The following HEXA variants were observed in gnomAD, a reference collection of about 807,000 sequenced individuals.
HEXA encodes hexosaminidase subunit alpha.
Under a neutral mutation model 73.3 loss-of-function variants are expected in HEXA, and 54 were observed. The ratio of observed to expected loss-of-function variants is 0.74; its 90% CI spans 0.59 to 0.92. The LOEUF (loss-of-function observed/expected upper bound fraction) is 0.92, where lower values mean the gene tolerates loss of function less well. HEXA is among the 40% of genes least tolerant of loss of function. The pLI is 0.00. For missense variants in HEXA, 649 were observed against 653.0 expected, an observed-to-expected ratio of 0.99 and a Z score of 0.07; for synonymous variants, 230 against 246.9, an observed-to-expected ratio of 0.93 and a Z score of 0.64.
intron 1 of HEXA, among the ~76,000 whole-genome samples, chr15:72,364,818 A>AT (rs762688276): frequency 0.022 from 2,935 of 133,106 alleles, 82 homozygotes; most frequent in African/African-American, 0.06. Flanking sequence ...TTTTAATTTA[A>AT]TTTTTTTTTT....
intron 1 of HEXA, chr15:72,356,997 T>A (rs1025831443): frequency 5.7e-6 from 2 of 352,224 alleles, no homozygotes; most frequent in Admixed American, 7.6e-5. Context: ...AGCTGCCAAT[T>A]TGCAAACTGT....
chr15:72,372,626 C>T (rs1355362872), intron 1 of HEXA, among the ~76,000 whole-genome samples: 1 of 152,196 alleles, frequency 6.6e-6, no homozygotes, highest in Non-Finnish European at 1.5e-5. Context: ...ATGCAACACA[C>T]ACCCTCCAAT....
intron 1 of HEXA, among the ~76,000 whole-genome samples, chr15:72,363,696 T>C (rs2088881208): frequency 6.6e-6 from 1 of 152,216 alleles, no homozygotes; most frequent in Non-Finnish European, 1.5e-5. Context: ...AGCCCACAGA[T>C]GAATCCTGAA....
chr15:72,373,311 C>T (rs1306097176), intron 1 of HEXA, among the ~76,000 whole-genome samples: 3 of 152,212 alleles, frequency 2.0e-5, no homozygotes, highest in Non-Finnish European at 1.5e-5. Flanking sequence ...TATTGCTCTA[C>T]CTCTATTTGT....
intron 9 of HEXA, 71 bp downstream of exon 9, chr15:72,347,977 C>A (rs1013328693): frequency 1.1e-5 from 12 of 1,129,734 alleles, no homozygotes; most frequent in Non-Finnish European, 1.6e-5. Context: ...CAGGGCCTGA[C>A]TCGGTATGGA....
At chr15:72,357,768 G>A (rs1403967918) in intron 1 of HEXA, 1 of 152,154 alleles carries the variant, frequency 6.6e-6, no homozygotes, top group Admixed American at 6.5e-5. Context: ...TCTCACGGAA[G>A]CCTGCTCAGA....
intron 5 of HEXA, among the ~76,000 whole-genome samples, 161 bp downstream of exon 5, chr15:72,352,907 G>A (rs577542838): frequency 2.6e-5 from 4 of 152,188 alleles, no homozygotes; most frequent in South Asian, 2.1e-4. Flanking sequence ...CAGGTGATCC[G>A]CCCACCTCGG....
At chr15:72,369,954 G>A (rs1483445337) in intron 1 of HEXA, 2 of 152,110 alleles carry the variant, frequency 1.3e-5, no homozygotes, top group Non-Finnish European at 2.9e-5. Flanking sequence ...AGGCATCTCT[G>A]GGGCTTGGAC....
chr15:72,347,850 A>G, intron 9 of HEXA, 92 bp from the exon 10 acceptor site: 1 of 1,253,014 alleles, frequency 8.0e-7, no homozygotes, highest in Non-Finnish European at 1.2e-6. Context: ...GAGCCTGGCC[A>G]GGGGCCTATT....
Position 72,355,857 on chromosome 15 carries a change from G to T in HEXA, c.347-233C>A, listed in dbSNP as rs534588760. 5.4e-5 allele frequency: 32 copies of T among 592,082 alleles called. No homozygotes were observed. The East Asian group carries it at 1.1e-3, about 20-fold the overall frequency. The allele number at this position is 592,082 out of a possible 1,614,324, so 36.7% of individuals were successfully genotyped here. ...AGTGACTCTGTAGACCCTGGATGAT[G>T]ATGTACAGCAAGAGTCAGGCTGGAG... On this transcript the variant is annotated intron_variant, in intron 2 of 13. Transcript: ENST00000268097.
chr15:72,346,410 C>G, intron 11 of HEXA, 85 bp from the exon 12 acceptor site: 1 of 1,485,330 alleles, frequency 6.7e-7, no homozygotes, highest in African/African-American at 1.4e-5. Flanking sequence ...GTGGCCCTCA[C>G]CCCAGCTAAG....
At chr15:72,371,497 G>A (rs572063188) in intron 1 of HEXA, among the ~76,000 whole-genome samples, 3 of 151,136 alleles carry the variant, frequency 2.0e-5, no homozygotes, top group Non-Finnish European at 4.4e-5. Flanking sequence ...GAGATGGGAG[G>A]ACAGCTTGAG....
At chr15:72,346,377 T>A (rs769826313) in intron 11 of HEXA, 52 bp from the exon 12 acceptor site, 3 of 1,545,100 alleles carry the variant, frequency 1.9e-6, no homozygotes, top group Non-Finnish European at 2.7e-6. Flanking sequence ...AACTCCAGGG[T>A]CCCTCTCAAC....
Position 72,346,319 on chromosome 15 carries a change from G to A in HEXA, c.1337C>T (p.Pro446Leu), listed in dbSNP as rs939203533. ...IVEPLAFEGT[P>L]EQKALVIGGE... ...ACCAATCACCAGAGCCTTCTGCTCAGGGGTACCTGAGGGAAAACAAGCAAC... is the reference window on the plus strand; with the variant it reads ...ACCAATCACCAGAGCCTTCTGCTCAAGGGTACCTGAGGGAAAACAAGCAAC... Residue 446 changes from proline to leucine, a missense_variant, in exon 12 of 14, where the codon CCT becomes CTT. Pro to Leu is a moderately conservative substitution (Grantham distance 98). Coordinates refer to ENST00000268097, the MANE Select transcript of HEXA (RefSeq NM_000520.6). 23 of 1,613,510 alleles carry A rather than the reference G, an allele frequency of 1.4e-5. No homozygotes were observed. Among genetic ancestry groups the A allele is most frequent in the Non-Finnish European group, 1.9e-5 (23 of 1,179,650 alleles).
In HEXA at chr15:72,343,303, G is replaced by A. The variant is rs1461195086; in HGVS notation, c.*774C>T. On this transcript the variant is annotated 3_prime_UTR_variant, in exon 14 of 14. Coordinates refer to ENST00000268097, the MANE Select transcript of HEXA (RefSeq NM_000520.6). ...CCAGTTACTCAGGAGGCTGATGCAC[G>A]AGAATCGCTTGAACCCAGGAGGCAG... The A allele has an allele frequency of 1.3e-5, 2 of 152,120 alleles. No homozygotes were observed. The highest frequency in any genetic ancestry group is 1.9e-4 in the East Asian group (1 of 5,186). The allele number at this position is 152,120 out of a possible 1,614,324, so 9.4% of individuals were successfully genotyped here.
intron 1 of HEXA, chr15:72,362,527 T>A: frequency 2.2e-6 from 1 of 454,986 alleles, no homozygotes; most frequent in Non-Finnish European, 4.4e-6. Context: ...TGCTATGTGA[T>A]AATCAGGCAT....
intron 10 of HEXA, among the ~76,000 whole-genome samples, chr15:72,347,299 G>A (rs973961975): frequency 6.6e-6 from 1 of 150,406 alleles, no homozygotes; most frequent in South Asian, 2.1e-4. Context: ...TTGAGGCAGG[G>A]TCTCACTCTG....
intron 1 of HEXA, among the ~76,000 whole-genome samples, chr15:72,366,754 C>A (rs895555274): frequency 3.9e-5 from 6 of 152,178 alleles, no homozygotes; most frequent in African/African-American, 1.2e-4. Context: ...TCCTCCTCCT[C>A]CTCCTCAACC....
rs760406474 is a variant in HEXA at position 72,353,128 on chromosome 15, C to G, written c.510G>C (p.Arg170=). ...EIEDFPRFPH[R]GLLLDTSRHY... ...GGCGAGATGTATCCAACAGCAAGCC[C>G]CGGTGAGGAAAGCGGGGAAAGTCCT... Residue 170 remains arginine (R), a synonymous_variant, in exon 5 of 14, where the codon CGG becomes CGC. Transcript: ENST00000268097. 6.2e-7 allele frequency: 1 copy of G among 1,613,752 alleles called. No individual in the cohort carries two copies. Among genetic ancestry groups the G allele is most frequent in the South Asian group, 1.1e-5 (1 of 91,070 alleles).
Sources: allele counts gnomAD v4.1 joint callset (sites outside exome capture counted in the v4.1 genomes callset), GRCh38; gene constraint gnomAD v4.1.1; transcripts MANE v1.5; gene names NCBI Gene and HGNC (gene_info 2026-07-23, HGNC 2026-07-21).